Variants in PTPRK observed in about 807,000 individuals in gnomAD.
The protein encoded by PTPRK is protein tyrosine phosphatase receptor type K, also known as receptor-type tyrosine-protein phosphatase kappa.
PTPRK carries 75 observed loss-of-function variants against 178.0 expected under a neutral mutation model. The ratio of observed to expected loss-of-function variants is 0.42; its 90% CI spans 0.35 to 0.51. The LOEUF (loss-of-function observed/expected upper bound fraction) is 0.51. Ranked by LOEUF, PTPRK falls within the 20% of genes least tolerant of loss-of-function variation. The pLI, the probability that PTPRK is intolerant of heterozygous loss-of-function variation, is 0.02. For missense variants in PTPRK, 1,441 were observed against 1,797.8 expected (o/e 0.80, Z 3.59); for synonymous variants, 637 against 620.6 (o/e 1.03, Z -0.39).
At chr6:128,281,544 A>AC (rs1821675805) in intron 3 of PTPRK, among the ~76,000 whole-genome samples, 1 of 151,614 alleles carries the variant, frequency 6.6e-6, no homozygotes, top group Non-Finnish European at 1.5e-5. Context: ...TGTCTTAGAA[A>AC]CCTCCAAGAA....
chr6:127,981,414 C>T (rs1775326722), intron 24 of PTPRK, 125 bp from the exon 25 acceptor site: 1 of 791,676 alleles, frequency 1.3e-6, no homozygotes, highest in South Asian at 2.0e-5. Flanking sequence ...ATGGCATTTG[C>T]TACTATGACA....
chr6:128,325,096 A>G (rs1162238001), intron 2 of PTPRK, among the ~76,000 whole-genome samples: 1 of 152,216 alleles, frequency 6.6e-6, no homozygotes, highest in African/African-American at 2.4e-5. Context: ...CATACAATGT[A>G]CTAGCTTTTA....
chr6:128,244,242 T>A (rs1349350189), intron 3 of PTPRK, among the ~76,000 whole-genome samples: 1 of 152,122 alleles, frequency 6.6e-6, no homozygotes, highest in African/African-American at 2.4e-5. Context: ...ACTAGATAGA[T>A]AGATTTGGAA....
intron 13 of PTPRK, among the ~76,000 whole-genome samples, chr6:128,023,796 G>T (rs1773882434): frequency 6.6e-6 from 1 of 151,816 alleles, no homozygotes; most frequent in Non-Finnish European, 1.5e-5. Context: ...TGGGACTATA[G>T]GGACATGCCA....
At chr6:128,474,880 T>C (rs989545229) in intron 1 of PTPRK, among the ~76,000 whole-genome samples, 1 of 152,134 alleles carries the variant, frequency 6.6e-6, no homozygotes, top group African/African-American at 2.4e-5. Context: ...TTAGTACTTG[T>C]ACCAACTCAG....
intron 3 of PTPRK, among the ~76,000 whole-genome samples, chr6:128,296,524 T>C (rs935057344): frequency 7.2e-5 from 11 of 152,326 alleles, no homozygotes; most frequent in South Asian, 6.2e-4. Flanking sequence ...ACAGCGGATC[T>C]CTTGGCAGAA....
intron 7 of PTPRK, among the ~76,000 whole-genome samples, chr6:128,156,705 G>T (rs117463531): frequency 1.3e-5 from 2 of 151,710 alleles, no homozygotes; most frequent in Non-Finnish European, 2.9e-5. Context: ...AAAGATGAGA[G>T]GAATATACAA....
chr6:128,086,952 T>C (rs147344531), intron 8 of PTPRK, among the ~76,000 whole-genome samples: 2 of 152,188 alleles, frequency 1.3e-5, no homozygotes, highest in Admixed American at 6.5e-5. Context: ...TTGAAAATGA[T>C]ATTAAAATTA....
intron 1 of PTPRK, among the ~76,000 whole-genome samples, chr6:128,457,004 G>C (rs1029595407): frequency 3.3e-5 from 5 of 152,058 alleles, no homozygotes; most frequent in Non-Finnish European, 7.4e-5. Context: ...TGGTCCTGCA[G>C]TGAAGTTAAA....
chr6:128,300,093 A>G (rs980479179), intron 3 of PTPRK, among the ~76,000 whole-genome samples: 1 of 152,250 alleles, frequency 6.6e-6, no homozygotes, highest in African/African-American at 2.4e-5. Context: ...AAAAGAAGAC[A>G]TTTATGCAGC....
At position 128,142,574 on chromosome 6, in the gene PTPRK, G is replaced by A. The variant is rs948510655; in HGVS notation, c.1162+41858C>T. On this transcript the variant is annotated intron_variant, in intron 7 of 29. Coordinates refer to ENST00000368226, the MANE Select transcript of PTPRK (RefSeq NM_002844.4). ...ATAATATATATATACACACACACACGTGTGGTTTTCACAGACATGTCTCCT... is the reference window on the plus strand; with the variant it reads ...ATAATATATATATACACACACACACATGTGGTTTTCACAGACATGTCTCCT... 4.7e-4 allele frequency among the ~76,000 whole-genome samples: 71 copies of A among 151,364 alleles called. 1 individual carries two copies. The highest frequency in any genetic ancestry group is 2.1e-4 in the Non-Finnish European group (14 of 67,800).
At chr6:128,168,688 A>T (rs867958022) in intron 7 of PTPRK, among the ~76,000 whole-genome samples, 3 of 152,192 alleles carry the variant, frequency 2.0e-5, no homozygotes, top group Middle Eastern at 3.4e-3. Context: ...TGATGATCTG[A>T]GGTAGCAGCG....
intron 15 of PTPRK, chr6:128,003,267 G>T: frequency 6.7e-7 from 1 of 1,492,464 alleles, no homozygotes; most frequent in Admixed American, 1.8e-5. Context: ...GGAATATATT[G>T]CTCTAAAATT....
At chr6:128,158,141 A>T (rs1798196676) in intron 7 of PTPRK, among the ~76,000 whole-genome samples, 2 of 152,052 alleles carry the variant, frequency 1.3e-5, no homozygotes, top group South Asian at 4.2e-4. Context: ...ATCCAGTTTC[A>T]GCTTTCTACA....
intron 3 of PTPRK, among the ~76,000 whole-genome samples, chr6:128,289,852 A>C (rs1823084119): frequency 6.6e-6 from 1 of 152,146 alleles, no homozygotes; most frequent in East Asian, 1.9e-4. Flanking sequence ...TGTGTCAAAC[A>C]ATATTATTAA....
Position 128,116,631 on chromosome 6 carries a change from C to T in PTPRK, c.1163-26639G>A, listed in dbSNP as rs182888533. ...TCCCTATACCTATATCAGCAATCAACAATATGGTGCAGTGGATTAGAGGAG... is the reference window on the plus strand; with the variant it reads ...TCCCTATACCTATATCAGCAATCAATAATATGGTGCAGTGGATTAGAGGAG... On this transcript the variant is annotated intron_variant, in intron 7 of 29. Coordinates refer to ENST00000368226, the MANE Select transcript of PTPRK (RefSeq NM_002844.4). 1.7e-3 allele frequency among the ~76,000 whole-genome samples: 264 copies of T among 152,270 alleles called. 1 individual carries two copies. The highest frequency in any genetic ancestry group is 6.0e-3 in the African/African-American group (251 of 41,556).
intron 1 of PTPRK, among the ~76,000 whole-genome samples, chr6:128,404,321 C>T (rs1841393139): frequency 6.6e-6 from 1 of 152,196 alleles, no homozygotes; most frequent in Non-Finnish European, 1.5e-5. Flanking sequence ...AAGGGCCTTC[C>T]GTCCAAATGC....
At chr6:128,296,413 A>G (rs1202623756) in intron 3 of PTPRK, among the ~76,000 whole-genome samples, 2 of 152,154 alleles carry the variant, frequency 1.3e-5, no homozygotes, top group Admixed American at 1.3e-4. Flanking sequence ...ACTCCAAGAC[A>G]CATAATTGTC....
At chr6:128,229,406 C>T (rs142763769) in intron 5 of PTPRK, among the ~76,000 whole-genome samples, 1,610 of 152,252 alleles carry the variant, frequency 0.011, 5 homozygotes, top group Non-Finnish European at 0.016. Context: ...TGAAATATCC[C>T]TATGAACTCA....
Sources: gnomAD v4.1 joint callset for allele counts (sites outside exome capture counted in the v4.1 genomes callset) on GRCh38, gnomAD v4.1.1 for gene constraint, MANE v1.5 for transcripts, NCBI Gene and HGNC (gene_info 2026-07-23, HGNC 2026-07-21) for gene names.